The following CADM2 variants were observed in gnomAD, a reference collection of about 807,000 sequenced individuals.
CADM2 encodes the protein cell adhesion molecule 2.
CADM2 carries 12 observed loss-of-function variants against 49.8 expected under a neutral mutation model. The observed-to-expected ratio is 0.24, with a 90% CI of 0.15 to 0.39. The LOEUF (loss-of-function observed/expected upper bound fraction) is 0.39. CADM2 is among the 10% of genes least tolerant of loss of function. The pLI, the probability that CADM2 is intolerant of heterozygous loss-of-function variation, is 1.00. For missense variants in CADM2, 378 were observed against 492.3 expected, an observed-to-expected ratio of 0.77 and a Z score of 2.20; for synonymous variants, 214 against 175.4, an observed-to-expected ratio of 1.22 and a Z score of -1.74.
At chr3:85,099,469 A>ATTTTTTTT (rs56797775) in intron 1 of CADM2, among the ~76,000 whole-genome samples, 1 of 144,538 alleles carries the variant, frequency 6.9e-6, no homozygotes. Context: ...CATGAATTAA[A>ATTTTTTTT]TTTTTTTTTT....
chr3:85,397,236 A>T (rs140277680), intron 1 of CADM2, among the ~76,000 whole-genome samples: 25 of 152,204 alleles, frequency 1.6e-4, no homozygotes, highest in African/African-American at 6.0e-4. Flanking sequence ...GAAGGCTATT[A>T]TATAAAAGGA....
intron 1 of CADM2, among the ~76,000 whole-genome samples, chr3:85,632,981 T>G (rs2064357306): frequency 6.6e-6 from 1 of 152,226 alleles, no homozygotes; most frequent in African/African-American, 2.4e-5. Flanking sequence ...AAGTTTATTT[T>G]AATTCATATC....
rs2064407448 is a variant in CADM2, at chr3:85,634,667, A to G, written c.62-91855A>G. On this transcript the variant is annotated intron_variant, in intron 1 of 9. Transcript: ENST00000383699. ...CCTCTGAAGAATTTATGTCCTTGTG[A>G]ATAATGCAATTTTACATATATATGT... is the stretch of plus-strand genomic sequence containing the variant. 2.6e-5 allele frequency among the ~76,000 whole-genome samples: 4 copies of G among 152,068 alleles called. No homozygotes were observed. The South Asian group carries it at 8.3e-4, about 32-fold the overall frequency.
At chr3:85,670,096 A>T (rs979903472) in intron 1 of CADM2, among the ~76,000 whole-genome samples, 2 of 152,126 alleles carry the variant, frequency 1.3e-5, no homozygotes, top group Admixed American at 1.3e-4. Context: ...CAGTGCAAAC[A>T]TTCCCCATTT....
intron 7 of CADM2, among the ~76,000 whole-genome samples, chr3:85,947,699 C>T (rs772047035): frequency 1.3e-4 from 20 of 151,350 alleles, no homozygotes; most frequent in Non-Finnish European, 2.5e-4. Flanking sequence ...GAAATGAGAC[C>T]GAATATATTT....
Position 85,898,956 on chromosome 3 carries a change from T to TATATATATATATATATATA in CADM2, c.529+12629_529+12630insATATATATATATATATATA, listed in dbSNP as rs58838667. 3.1e-3 allele frequency among the ~76,000 whole-genome samples: 68 copies of TATATATATATATATATATA among 21,642 alleles called. 1 individual carries two copies. Among genetic ancestry groups the TATATATATATATATATATA allele is most frequent in the Non-Finnish European group, 4.2e-3 (50 of 11,834 alleles). The allele number at this position is 21,642 out of a possible 152,430, so 14.2% of individuals were successfully genotyped here. The stretch of plus-strand genomic sequence containing the variant: ...TATTGTGTATATATATATATATATA[T>TATATATATATATATATATA]TTTTTTTTTTTTTTTTTTTTTTTTT... On this transcript the variant is annotated intron_variant, in intron 5 of 9. Coordinates refer to ENST00000383699, the MANE Select transcript of CADM2 (RefSeq NM_001167675.2).
chr3:85,332,839 C>CT (rs140583272), intron 1 of CADM2, among the ~76,000 whole-genome samples: 12 of 151,338 alleles, frequency 7.9e-5, no homozygotes, highest in Non-Finnish European at 1.3e-4. Context: ...GTGAACAAGG[C>CT]TTTTTTTTAT....
chr3:85,144,750 A>C (rs1442750707), intron 1 of CADM2, among the ~76,000 whole-genome samples: 1 of 152,182 alleles, frequency 6.6e-6, no homozygotes, highest in African/African-American at 2.4e-5. Context: ...ATATTTTTTT[A>C]ATTTGATTCA....
chr3:85,332,125 T>A (rs1480103591), intron 1 of CADM2, among the ~76,000 whole-genome samples: 1 of 152,070 alleles, frequency 6.6e-6, no homozygotes, highest in African/African-American at 2.4e-5. Context: ...AATTTCTGTT[T>A]GTTGAGACAA....
intron 1 of CADM2, among the ~76,000 whole-genome samples, chr3:85,656,963 T>C (rs1016106857): frequency 3.3e-5 from 5 of 152,156 alleles, no homozygotes; most frequent in Non-Finnish European, 7.3e-5. Context: ...ATTCAAAACA[T>C]GATTACACTA....
At chr3:86,001,781 G>A (rs1032863676) in intron 8 of CADM2, among the ~76,000 whole-genome samples, 2 of 152,110 alleles carry the variant, frequency 1.3e-5, no homozygotes, top group African/African-American at 4.8e-5. Flanking sequence ...ATTAAGAAAG[G>A]TTTTTAAATG....
chr3:85,682,764 A>C (rs2107660828), intron 1 of CADM2, among the ~76,000 whole-genome samples: 1 of 152,218 alleles, frequency 6.6e-6, no homozygotes, highest in Non-Finnish European at 1.5e-5. Context: ...TGTTGAATAC[A>C]GATAGTCCTG....
intron 1 of CADM2, among the ~76,000 whole-genome samples, chr3:85,069,558 A>C (rs1251018958): frequency 1.3e-5 from 2 of 152,138 alleles, no homozygotes; most frequent in Non-Finnish European, 2.9e-5. Flanking sequence ...GTAGTACCAA[A>C]ATTTCCCTTT....
intron 1 of CADM2, among the ~76,000 whole-genome samples, chr3:85,306,477 T>C (rs1194341499): frequency 2.6e-5 from 4 of 151,744 alleles, no homozygotes; most frequent in Non-Finnish European, 5.9e-5. Context: ...TATTAAAATG[T>C]ATTACCATAG....
chr3:85,677,527 ATAAT>A (rs1007124763), intron 1 of CADM2, among the ~76,000 whole-genome samples: 7 of 152,192 alleles, frequency 4.6e-5, no homozygotes, highest in African/African-American at 1.7e-4. Context: ...TATAATAAAA[ATAAT>A]TAAAAGAAAC....
At chr3:85,036,661 C>T (rs1217540701) in intron 1 of CADM2, among the ~76,000 whole-genome samples, 5 of 152,140 alleles carry the variant, frequency 3.3e-5, no homozygotes, top group South Asian at 2.1e-4. Flanking sequence ...TATTATATCC[C>T]GTTTTCTTTA....
chr3:85,652,796 T>TTTTTTTTTTTG (rs869310296), intron 1 of CADM2, among the ~76,000 whole-genome samples: 3 of 143,340 alleles, frequency 2.1e-5, no homozygotes, highest in African/African-American at 5.2e-5. Context: ...TTTTTTTTTT[T>TTTTTTTTTTTG]AGACAGAGTC....
chr3:85,186,271 G>C lies in CADM2; in HGVS notation c.61+226603G>C, dbSNP rs551975614. Among the ~76,000 whole-genome samples, 89 of 152,198 alleles carry C rather than the reference G, an allele frequency of 5.8e-4. 1 individual carries two copies. Among genetic ancestry groups the C allele is most frequent in the Middle Eastern group, 3.4e-3 (1 of 294 alleles). On this transcript the variant is annotated intron_variant, in intron 1 of 9. Coordinates refer to ENST00000383699, the MANE Select transcript of CADM2 (RefSeq NM_001167675.2). Reference sequence around the variant, plus strand: ...TCAAGCCTTGGGCATCCAGGAAAAAGTCTGTAATTGCCTTCCAGCACAATA... The same window carrying C: ...TCAAGCCTTGGGCATCCAGGAAAAACTCTGTAATTGCCTTCCAGCACAATA...
At chr3:85,317,153 G>A (rs1247393880) in intron 1 of CADM2, among the ~76,000 whole-genome samples, 2 of 152,032 alleles carry the variant, frequency 1.3e-5, no homozygotes, top group Admixed American at 6.6e-5. Context: ...GGGGGTGGTG[G>A]TGAGGGTGAC....
Sources: allele counts gnomAD v4.1 joint callset (sites outside exome capture counted in the v4.1 genomes callset), GRCh38; gene constraint gnomAD v4.1.1; transcripts MANE v1.5; gene names NCBI Gene and HGNC (gene_info 2026-07-23, HGNC 2026-07-21).